Variants in AGT observed in about 807,000 individuals in gnomAD.
The protein encoded by AGT is alpha-1 antiproteinase, antitrypsin.
AGT carries 26 observed loss-of-function variants against 28.1 expected under a neutral mutation model. The observed-to-expected ratio is 0.92, with a 90% CI of 0.68 to 1.28. The LOEUF is 1.28. Ranked by LOEUF, AGT falls within the 50% of genes most tolerant of loss-of-function variation. AGT has a pLI of 0.00. For synonymous variants in AGT, 259 were observed against 259.6 expected (o/e 1.00, Z 0.02); for missense variants, 596 against 592.3 (o/e 1.01, Z -0.06).
At chr1:230,719,780 G>T (rs1463102877) in intron 1 of AGT, among the ~76,000 whole-genome samples, 1 of 152,128 alleles carries the variant, frequency 6.6e-6, no homozygotes, top group Non-Finnish European at 1.5e-5. Flanking sequence ...TTATAAATAA[G>T]AAATGAGTCG....
intron 3 of AGT, 133 bp from the exon 4 acceptor site, chr1:230,704,470 G>A: frequency 8.2e-7 from 1 of 1,215,932 alleles, no homozygotes; most frequent in East Asian, 2.6e-5. Flanking sequence ...ACCCAACTAA[G>A]TCATCCTCCC....
rs1196193266 is a variant in AGT, at chr1:230,703,115, A to C, written c.*26T>G. The C allele has an allele frequency of 2.5e-6, 4 of 1,611,284 alleles. No homozygotes were observed. The highest frequency in any genetic ancestry group is 3.4e-6 in the Non-Finnish European group (4 of 1,178,778). On this transcript the variant is annotated 3_prime_UTR_variant, in exon 5 of 5. Transcript: ENST00000366667. Reference sequence around the variant, plus strand: ...AAAGGCCAGGGGCAGAGGCCTTGCCAGGCACTGTGTTCTGGGGCCCTGGCC... The same window carrying C: ...AAAGGCCAGGGGCAGAGGCCTTGCCCGGCACTGTGTTCTGGGGCCCTGGCC...
chr1:230,719,411 T>A (rs1464268642), upstream of AGT, among the ~76,000 whole-genome samples: 26,043 of 102,748 alleles, frequency 0.25, 3,533 homozygotes, highest in East Asian at 0.56. Context: ...ATTATGTTTT[T>A]TTTTTTTTTT....
intron 3 of AGT, among the ~76,000 whole-genome samples, chr1:230,705,160 TG>T (rs1316465219): frequency 2.0e-5 from 3 of 152,030 alleles, no homozygotes; most frequent in Non-Finnish European, 4.4e-5. Context: ...AGAAGATAAA[TG>T]GAGATGGACG....
chr1:230,737,893 C>T (rs1458726548), intron 1 of AGT, among the ~76,000 whole-genome samples: 1 of 151,266 alleles, frequency 6.6e-6, no homozygotes. Context: ...CCTCCCACTT[C>T]ACCCCATCCC....
At chr1:230,704,621 T>C (rs1381653987) in intron 3 of AGT, among the ~76,000 whole-genome samples, 1 of 152,236 alleles carries the variant, frequency 6.6e-6, no homozygotes, top group Non-Finnish European at 1.5e-5. Flanking sequence ...GTTGGCTGCA[T>C]TGAAGGTGTG....
rs372240722 is a variant in AGT, at chr1:230,710,114, A to G, written c.710T>C (p.Val237Ala). 56 of 1,614,098 alleles carry G rather than the reference A, an allele frequency of 3.5e-5. No homozygotes were observed. The highest frequency in any genetic ancestry group is 4.7e-5 in the Non-Finnish European group (56 of 1,180,052). The part of the protein sequence containing the change: ...PRSLDFTELD[V>A]AAEKIDRFMQ... Reference sequence around the variant, plus strand: ...GAACCTGTCAATCTTCTCAGCAGCAACATCCAGTTCTGTGAAGTCCAGAGA... The same window carrying G: ...GAACCTGTCAATCTTCTCAGCAGCAGCATCCAGTTCTGTGAAGTCCAGAGA... The change falls in exon 2 of 5, where the codon GTT becomes GCT. Residue 237 changes from valine (V) to alanine (A), a missense_variant. Physicochemically the swap from Val to Ala is moderately conservative, Grantham distance 64. Coordinates refer to ENST00000366667, the MANE Select transcript of AGT (RefSeq NM_001384479.1).
upstream of AGT, among the ~76,000 whole-genome samples, chr1:230,715,756 C>T (rs576981759): frequency 1.3e-5 from 2 of 152,248 alleles, no homozygotes; most frequent in Non-Finnish European, 2.9e-5. Flanking sequence ...TTAAATATTT[C>T]GGCTCTTTAA....
At chr1:230,733,529 T>C (rs1330866372) in intron 1 of AGT, among the ~76,000 whole-genome samples, 1 of 152,110 alleles carries the variant, frequency 6.6e-6, no homozygotes, top group Non-Finnish European at 1.5e-5. Flanking sequence ...AAGTGATTTG[T>C]TTGCCTTTGT....
intron 1 of AGT, among the ~76,000 whole-genome samples, chr1:230,724,333 C>T: frequency 6.6e-6 from 1 of 152,152 alleles, no homozygotes; most frequent in East Asian, 1.9e-4. Flanking sequence ...TAAAAATTAG[C>T]TTTAGAAACA....
chr1:230,709,905 C>G, intron 2 of AGT, 90 bp downstream of exon 2: 3 of 1,583,580 alleles, frequency 1.9e-6, no homozygotes, highest in South Asian at 1.1e-5. Context: ...GGGCTGCCCC[C>G]TGCCCATCTC....
intron 1 of AGT, among the ~76,000 whole-genome samples, chr1:230,722,344 T>C (rs1663863670): frequency 6.6e-6 from 1 of 152,174 alleles, no homozygotes. Flanking sequence ...ATGAAGAACT[T>C]CTGCTAGGGC....
At chr1:230,728,726 G>A (rs1663998071) in intron 1 of AGT, among the ~76,000 whole-genome samples, 1 of 152,068 alleles carries the variant, frequency 6.6e-6, no homozygotes, top group Non-Finnish European at 1.5e-5. Flanking sequence ...TACAGAGAAG[G>A]GGAGAAAAGG....
intron 2 of AGT, among the ~76,000 whole-genome samples, chr1:230,707,645 G>A (rs1038192882): frequency 6.6e-6 from 1 of 152,220 alleles, no homozygotes; most frequent in African/African-American, 2.4e-5. Flanking sequence ...TTCCCTGCAG[G>A]GACCTCGGTG....
At chr1:230,705,070 G>C (rs539645558) in intron 3 of AGT, among the ~76,000 whole-genome samples, 1 of 152,130 alleles carries the variant, frequency 6.6e-6, no homozygotes, top group African/African-American at 2.4e-5. Context: ...CGAGGACATC[G>C]TGGTGGTTGC....
In AGT at chr1:230,703,313, A is replaced by C; in HGVS notation, c.1259T>G (p.Phe420Cys). 6.2e-7 allele frequency: 1 copy of C among 1,614,228 alleles called. No homozygotes were observed. The highest frequency in any genetic ancestry group is 1.1e-5 in the South Asian group (1 of 91,082). Residue 420 changes from phenylalanine (F) to cysteine (C), a missense_variant, in exon 5 of 5, where the codon TTT becomes TGT. By Grantham distance (205) the Phe-to-Cys change is radical. Coordinates refer to ENST00000366667, the MANE Select transcript of AGT (RefSeq NM_001384479.1). ...TCTCTCATCCGCTTCAAGCTCAAAA[A>C]AAATGCTGTTCAGCACCTGCAAAGC... ...IRVGEVLNSI[F>C]FELEADEREP...
intron 1 of AGT, among the ~76,000 whole-genome samples, chr1:230,739,438 A>G (rs541689776): frequency 3.3e-5 from 5 of 152,166 alleles, no homozygotes; most frequent in African/African-American, 1.2e-4. Context: ...TGTTGCCCTG[A>G]GCAGGGCATG....
At chr1:230,729,531 G>A (rs1664012662) in intron 1 of AGT, among the ~76,000 whole-genome samples, 1 of 152,146 alleles carries the variant, frequency 6.6e-6, no homozygotes, top group Non-Finnish European at 1.5e-5. Context: ...AAGGACCCGG[G>A]AGCCATCTCC....
At chr1:230,736,380 A>T (rs1212136918) in intron 1 of AGT, among the ~76,000 whole-genome samples, 1 of 152,020 alleles carries the variant, frequency 6.6e-6, no homozygotes, top group Non-Finnish European at 1.5e-5. Flanking sequence ...AAAGCCGGGC[A>T]TGGTGGCGGG....
Sources: allele counts gnomAD v4.1 joint callset (sites outside exome capture counted in the v4.1 genomes callset), GRCh38; gene constraint gnomAD v4.1.1; transcripts MANE v1.5; gene names NCBI Gene and HGNC (gene_info 2026-07-23, HGNC 2026-07-21).